Variants in ATP2A2 observed in about 807,000 individuals in gnomAD.
ATP2A2 encodes the protein sarcoplasmic/endoplasmic reticulum calcium ATPase 2.
Under a neutral mutation model 109.3 loss-of-function variants are expected in ATP2A2, and 14 were observed. That is an observed-to-expected ratio of 0.13 (90% CI 0.08 to 0.20). The LOEUF is 0.20. Among genes scored for constraint, ATP2A2 ranks in the 10% least tolerant of loss-of-function variants. The probability of loss-of-function intolerance (pLI) is 1.00; values close to 1 mark genes in which losing one functional copy is unlikely to be tolerated. For missense variants in ATP2A2, 657 were observed against 1,321.6 expected (o/e 0.50, Z 7.80); for synonymous variants, 506 against 490.9 (o/e 1.03, Z -0.41).
intron 4 of ATP2A2, among the ~76,000 whole-genome samples, chr12:110,295,696 C>G (rs985545032): frequency 6.6e-6 from 1 of 152,120 alleles, no homozygotes; most frequent in Non-Finnish European, 1.5e-5. Flanking sequence ...TCATTTGATT[C>G]TCTTTAGGCT....
intron 5 of ATP2A2, among the ~76,000 whole-genome samples, chr12:110,313,860 A>C (rs1452907976): frequency 6.7e-6 from 1 of 148,940 alleles, no homozygotes; most frequent in Non-Finnish European, 1.5e-5. Context: ...ACAGGTGTGC[A>C]CCACCCCACC....
At chr12:110,324,644 A>C (rs963254617) in intron 6 of ATP2A2, among the ~76,000 whole-genome samples, 1 of 151,256 alleles carries the variant, frequency 6.6e-6, no homozygotes, top group Admixed American at 6.6e-5. Flanking sequence ...CTGGTCTCGA[A>C]CTCCTGATCT....
intron 14 of ATP2A2, among the ~76,000 whole-genome samples, chr12:110,341,377 C>A (rs1373190599): frequency 6.6e-6 from 1 of 151,878 alleles, no homozygotes; most frequent in Non-Finnish European, 1.5e-5. Flanking sequence ...CAGTATTCTT[C>A]CCCTCACCTG....
chr12:110,345,450 A>C, intron 18 of ATP2A2, 68 bp downstream of exon 18: 1 of 1,598,426 alleles, frequency 6.3e-7, no homozygotes, highest in Non-Finnish European at 8.6e-7. Context: ...AATTGTGTGT[A>C]GTCACGGTTG....
In ATP2A2 at chr12:110,342,009, C is replaced by A. The variant is rs1436506196; in HGVS notation, c.2098-219C>A. ...AGATAATACAGATAAATTTGAAGTC[C>A]CCTTTGTCCCACTTCGGTAAACTTA... On this transcript the variant is annotated intron_variant, in intron 14 of 19. Coordinates refer to ENST00000539276, the MANE Select transcript of ATP2A2 (RefSeq NM_170665.4). The surrounding 1 kb of genome is among the most constrained non-coding windows in gnomAD (Gnocchi z 4.6). Among the ~76,000 whole-genome samples, 1 of 152,066 alleles carries A rather than the reference C, an allele frequency of 6.6e-6. No homozygotes were observed. The highest frequency in any genetic ancestry group is 1.5e-5 in the Non-Finnish European group (1 of 68,018).
intron 4 of ATP2A2, among the ~76,000 whole-genome samples, chr12:110,293,715 G>A (rs1404192026): frequency 6.6e-6 from 1 of 151,384 alleles, no homozygotes; most frequent in Non-Finnish European, 1.5e-5. Context: ...AACATACTTA[G>A]TCCTGTTGAA....
At chr12:110,290,521 A>C (rs1487244183) in intron 3 of ATP2A2, among the ~76,000 whole-genome samples, 5 of 152,236 alleles carry the variant, frequency 3.3e-5, no homozygotes, top group Non-Finnish European at 5.9e-5. Flanking sequence ...TACATATAAA[A>C]TGAATGGAAT....
chr12:110,333,300 AT>A lies in ATP2A2; in HGVS notation c.1287+19del. The stretch of plus-strand genomic sequence containing the variant: ...TACAATGAGGTAAGTCTCTTCATAA[AT>A]TAGAAGGAATGGCTGTTCCTAGTTC... On this transcript the variant is annotated intron_variant, in intron 10 of 19. Coordinates refer to ENST00000539276, the MANE Select transcript of ATP2A2 (RefSeq NM_170665.4). 6.3e-7 allele frequency: 1 copy of A among 1,581,728 alleles called. No homozygotes were observed. Among genetic ancestry groups the A allele is most frequent in the Non-Finnish European group, 8.7e-7 (1 of 1,150,788 alleles).
In ATP2A2 at chr12:110,347,608, C is replaced by T. The variant is rs1880002148; in HGVS notation, c.*1138C>T. ...TGTGTTTTGTAAAATCTGTAAATAG[C>T]ACATGACCAAATGAACATATTGTAT... On this transcript the variant is annotated 3_prime_UTR_variant, in exon 20 of 20. Coordinates refer to ENST00000539276, the MANE Select transcript of ATP2A2 (RefSeq NM_170665.4). 8 of 1,222,072 alleles carry T rather than the reference C, an allele frequency of 6.5e-6. No individual in the cohort carries two copies. The highest frequency in any genetic ancestry group is 2.9e-5 in the Admixed American group (1 of 34,726). 75.7% of individuals were successfully genotyped at this position (1,222,072 alleles called of 1,614,324 possible). A position where few individuals can be genotyped will look rare whatever the true frequency, so the allele number is the denominator to read the frequency against.
intron 1 of ATP2A2, among the ~76,000 whole-genome samples, chr12:110,282,113 C>T (rs971893807): frequency 2.0e-5 from 3 of 152,136 alleles, no homozygotes; most frequent in Non-Finnish European, 4.4e-5. Flanking sequence ...TTCTCGGGCC[C>T]TCGACCTTTT....
chr12:110,325,627 CAAA>C (rs902274593), intron 6 of ATP2A2, among the ~76,000 whole-genome samples: 1 of 121,974 alleles, frequency 8.2e-6, no homozygotes. Flanking sequence ...GACTCCGTCT[CAAA>C]AAAAAAAAAA....
rs925204314 is a variant in ATP2A2 at position 110,347,750 on chromosome 12, G to A, written c.*1280G>A. 1.8e-6 allele frequency: 2 copies of A among 1,081,640 alleles called. No individual in the cohort carries two copies. The highest frequency in any genetic ancestry group is 1.7e-5 in the African/African-American group (1 of 60,056). The allele number at this position is 1,081,640 out of a possible 1,614,324, so 67.0% of individuals were successfully genotyped here. A position where few individuals can be genotyped will look rare whatever the true frequency, so the allele number is the denominator to read the frequency against. ...GTGTAAGTCATTAACAGTCCTAACT[G>A]TGGTGTTTTCCTCCAATGCCTTCCA... On this transcript the variant is annotated 3_prime_UTR_variant, in exon 20 of 20. Coordinates refer to ENST00000539276, the MANE Select transcript of ATP2A2 (RefSeq NM_170665.4).
intron 5 of ATP2A2, among the ~76,000 whole-genome samples, chr12:110,313,288 T>C (rs1436080420): frequency 6.6e-6 from 1 of 150,752 alleles, no homozygotes; most frequent in Non-Finnish European, 1.5e-5. Flanking sequence ...GAAGAAACCA[T>C]GTGGTTTGGG....
chr12:110,326,349 G>T (rs747224258), intron 6 of ATP2A2, 41 bp from the exon 7 acceptor site: 1 of 1,551,706 alleles, frequency 6.4e-7, no homozygotes, highest in Non-Finnish European at 8.9e-7. Context: ...TCTTGGTGTG[G>T]GTCGCAGAGA....
In ATP2A2 at chr12:110,350,112, C is replaced by A; in HGVS notation, c.*3642C>A. The A allele has an allele frequency of 6.7e-7, 1 of 1,495,978 alleles. No individual in the cohort carries two copies. 92.7% of individuals were successfully genotyped at this position (1,495,978 alleles called of 1,614,324 possible). ...ACTGAGCCAGTGCTTCTAGATGCTA[C>A]CCTGTGTGGGCGGCACCTCAGGGAC... On this transcript the variant is annotated 3_prime_UTR_variant, in exon 20 of 20. Transcript: ENST00000539276.
Position 110,350,460 on chromosome 12 carries a change from G to A in ATP2A2, c.*3990G>A. On this transcript the variant is annotated 3_prime_UTR_variant, in exon 20 of 20. Coordinates refer to ENST00000539276, the MANE Select transcript of ATP2A2 (RefSeq NM_170665.4). Reference sequence around the variant, plus strand: ...TCACTTTGTGTTATGTGGAGGAAATGTGTATTACCAATGGGGTTGTTAGCT... The same window carrying A: ...TCACTTTGTGTTATGTGGAGGAAATATGTATTACCAATGGGGTTGTTAGCT... 8.5e-7 allele frequency: 1 copy of A among 1,181,650 alleles called. No homozygotes were observed. Among genetic ancestry groups the A allele is most frequent in the Admixed American group, 2.0e-5 (1 of 50,958 alleles). The allele number at this position is 1,181,650 out of a possible 1,614,324, so 73.2% of individuals were successfully genotyped here.
At chr12:110,312,849 C>CAAAAAA (rs34180879) in intron 5 of ATP2A2, among the ~76,000 whole-genome samples, 1 of 66,218 alleles carries the variant, frequency 1.5e-5, no homozygotes. Context: ...GACTCTGTTG[C>CAAAAAA]AAAAAAAAAA....
rs1880132310 is a variant in ATP2A2, at chr12:110,348,849, A to G, written c.*2379A>G. The G allele has an allele frequency of 1.0e-6, 1 of 985,434 alleles. No homozygotes were observed. Among genetic ancestry groups the G allele is most frequent in the Non-Finnish European group, 1.2e-6 (1 of 829,940 alleles). The allele number at this position is 985,434 out of a possible 1,614,324, so 61.0% of individuals were successfully genotyped here. A position where few individuals can be genotyped will look rare whatever the true frequency, so the allele number is the denominator to read the frequency against. On this transcript the variant is annotated 3_prime_UTR_variant, in exon 20 of 20. Coordinates refer to ENST00000539276, the MANE Select transcript of ATP2A2 (RefSeq NM_170665.4). ...TGAGCATCATGAGGTGTAACAAGAA[A>G]TGGGTTGAATGGGCCAAATGCAAGG...
chr12:110,347,669 ACCAC>A lies in ATP2A2; in HGVS notation c.*1201_*1204del. The A allele has an allele frequency of 8.5e-7, 1 of 1,175,122 alleles. No homozygotes were observed. 72.8% of individuals were successfully genotyped at this position (1,175,122 alleles called of 1,614,324 possible). On this transcript the variant is annotated 3_prime_UTR_variant, in exon 20 of 20. Coordinates refer to ENST00000539276, the MANE Select transcript of ATP2A2 (RefSeq NM_170665.4). Reference sequence around the variant, plus strand: ...TTATTTGAATGTGGCACTAACCACCACCACCGTTACTACGATCAATGTTTGCGCA... The same window carrying A: ...TTATTTGAATGTGGCACTAACCACCACGTTACTACGATCAATGTTTGCGCA...
Sources: allele counts gnomAD v4.1 joint callset (sites outside exome capture counted in the v4.1 genomes callset), GRCh38; gene constraint gnomAD v4.1.1; non-coding constraint Gnocchi (gnomAD v3.1); transcripts MANE v1.5; gene names NCBI Gene and HGNC (gene_info 2026-07-23, HGNC 2026-07-21).